ARID2: variants seen among roughly 807,000 people sequenced by gnomAD.
The protein encoded by ARID2 is AT-rich interactive domain-containing protein 2.
Under a neutral mutation model 184.6 loss-of-function variants are expected in ARID2, and 32 were observed. The observed-to-expected ratio is 0.17, with a 90% confidence interval of 0.13 to 0.23. ARID2 has a LOEUF of 0.23. Among genes scored for constraint, ARID2 ranks in the 10% least tolerant of loss-of-function variants. The pLI is 1.00. For synonymous variants in ARID2, 836 were observed against 772.6 expected (o/e 1.08, Z -1.36); for missense variants, 1,696 against 2,197.6 (o/e 0.77, Z 4.56).
chr12:45,786,848 G>T (rs1354140301), intron 3 of ARID2, among the ~76,000 whole-genome samples: 1 of 152,132 alleles, frequency 6.6e-6, no homozygotes, highest in Non-Finnish European at 1.5e-5. Context: ...CAACAGCATG[G>T]GTGATCCTGG....
At chr12:45,790,518 T>G (rs1230486043) in intron 3 of ARID2, among the ~76,000 whole-genome samples, 1 of 152,194 alleles carries the variant, frequency 6.6e-6, no homozygotes, top group Non-Finnish European at 1.5e-5. Context: ...TTTGTAAGGG[T>G]CCTGTACATT....
intron 20 of ARID2, among the ~76,000 whole-genome samples, chr12:45,898,288 T>C (rs1456235764): frequency 6.6e-6 from 1 of 152,036 alleles, no homozygotes; most frequent in Non-Finnish European, 1.5e-5. Context: ...AGTTCAGGAA[T>C]GGAGAGTTAC....
At chr12:45,743,267 G>A (rs755431413) in intron 3 of ARID2, among the ~76,000 whole-genome samples, 3 of 152,080 alleles carry the variant, frequency 2.0e-5, no homozygotes, top group Non-Finnish European at 2.9e-5. Flanking sequence ...TACTCGGGAG[G>A]CTGAAGCAGG....
At chr12:45,740,742 G>A (rs1941237326) in intron 3 of ARID2, among the ~76,000 whole-genome samples, 1 of 152,042 alleles carries the variant, frequency 6.6e-6, no homozygotes, top group Admixed American at 6.5e-5. Flanking sequence ...TCATTATCTT[G>A]TATTGCATGT....
At chr12:45,834,554 C>G (rs1943180104) in intron 6 of ARID2, among the ~76,000 whole-genome samples, 1 of 152,108 alleles carries the variant, frequency 6.6e-6, no homozygotes, top group Admixed American at 6.5e-5. Context: ...ACCAGCCTGA[C>G]CAACATGGTG....
chr12:45,876,011 T>C (rs895610896), intron 16 of ARID2, among the ~76,000 whole-genome samples: 3 of 152,252 alleles, frequency 2.0e-5, no homozygotes, highest in African/African-American at 7.2e-5. Flanking sequence ...AGCTTGGCTG[T>C]TTGGTGCAAG....
At chr12:45,805,945 C>T (rs1013247038) in intron 3 of ARID2, among the ~76,000 whole-genome samples, 2 of 152,124 alleles carry the variant, frequency 1.3e-5, no homozygotes, top group African/African-American at 2.4e-5. Context: ...AATCACCATT[C>T]TGTTCTGTGT....
At chr12:45,875,235 T>TG (rs1943991784) in intron 16 of ARID2, among the ~76,000 whole-genome samples, 1 of 152,222 alleles carries the variant, frequency 6.6e-6, no homozygotes, top group South Asian at 2.1e-4. Context: ...TCAGAGCTCT[T>TG]GGGCACCTAG....
rs1203063902 is a variant in ARID2, at chr12:45,729,714, A to C, written c.-123A>C. The C allele has an allele frequency of 9.6e-6, 7 of 730,194 alleles. No homozygotes were observed. The highest frequency in any genetic ancestry group is 2.6e-5 in the African/African-American group (1 of 38,694). The allele number at this position is 730,194 out of a possible 1,614,324, so 45.2% of individuals were successfully genotyped here. A position where few individuals can be genotyped will look rare whatever the true frequency, so the allele number is the denominator to read the frequency against. ...CCGCCGCCGCCGCCACCGCCGGCCC[A>C]TGACTGAGCCCCGCCGCCGCCGGCC... On this transcript the variant is annotated 5_prime_UTR_variant, in exon 1 of 21. It removes an upstream start codon present in the reference 5' UTR. Transcript: ENST00000334344.
intron 3 of ARID2, among the ~76,000 whole-genome samples, chr12:45,749,652 G>C (rs978570158): frequency 6.6e-6 from 1 of 152,180 alleles, no homozygotes; most frequent in Non-Finnish European, 1.5e-5. Context: ...GTTTAGTGTA[G>C]CCAGTTCTAT....
intron 3 of ARID2, among the ~76,000 whole-genome samples, chr12:45,810,929 G>A (rs1248697779): frequency 6.6e-6 from 1 of 151,684 alleles, no homozygotes; most frequent in Non-Finnish European, 1.5e-5. Flanking sequence ...TTGCATTGAG[G>A]CCGGGCGCGG....
chr12:45,872,559 C>T (rs1209519378), intron 16 of ARID2, among the ~76,000 whole-genome samples: 2 of 152,086 alleles, frequency 1.3e-5, no homozygotes, highest in Non-Finnish European at 2.9e-5. Context: ...GAAGTAAACA[C>T]GTCCTTCACA....
At chr12:45,795,577 C>T (rs575163148) in intron 3 of ARID2, among the ~76,000 whole-genome samples, 12 of 152,026 alleles carry the variant, frequency 7.9e-5, no homozygotes, top group Admixed American at 7.2e-4. Flanking sequence ...GGACTACAGG[C>T]GCCCGCCACC....
chr12:45,752,391 A>G (rs1941480912), intron 3 of ARID2, among the ~76,000 whole-genome samples: 1 of 152,244 alleles, frequency 6.6e-6, no homozygotes, highest in South Asian at 2.1e-4. Flanking sequence ...TGTCTGGTTC[A>G]TGATAAGTGC....
chr12:45,741,019 A>G (rs1026211487), intron 3 of ARID2, among the ~76,000 whole-genome samples: 2 of 152,202 alleles, frequency 1.3e-5, no homozygotes, highest in Non-Finnish European at 2.9e-5. Context: ...CCTTGAGACC[A>G]TGAAACTATT....
chr12:45,832,643 C>T (rs901880334), intron 6 of ARID2, among the ~76,000 whole-genome samples: 1 of 151,892 alleles, frequency 6.6e-6, no homozygotes, highest in Non-Finnish European at 1.5e-5. Context: ...CACCCAGACC[C>T]CTCTTCTTTT....
At chr12:45,839,789 A>G (rs1943304994) in intron 11 of ARID2, 1 of 245,376 alleles carries the variant, frequency 4.1e-6, no homozygotes, top group Non-Finnish European at 7.8e-6. Context: ...CCCAATAGGC[A>G]TATTATTTGT....
chr12:45,748,712 A>C (rs192513581), intron 3 of ARID2, among the ~76,000 whole-genome samples: 1 of 152,240 alleles, frequency 6.6e-6, no homozygotes, highest in Non-Finnish European at 1.5e-5. Flanking sequence ...TTATCAACTA[A>C]ATTTATATAC....
intron 11 of ARID2, among the ~76,000 whole-genome samples, chr12:45,843,765 T>C (rs1379501544): frequency 2.0e-5 from 3 of 152,200 alleles, no homozygotes; most frequent in African/African-American, 7.2e-5. Context: ...GTGAAAACCT[T>C]GACACTGCAG....
Sources: allele counts gnomAD v4.1 joint callset (sites outside exome capture counted in the v4.1 genomes callset), GRCh38; gene constraint gnomAD v4.1.1; transcripts MANE v1.5; gene names NCBI Gene and HGNC (gene_info 2026-07-23, HGNC 2026-07-21).